The following DGAT2 variants were observed in gnomAD, a reference collection of about 807,000 sequenced individuals.
DGAT2 encodes the protein acyl-CoA retinol O-fatty-acyltransferase.
Under a neutral mutation model 48.4 loss-of-function variants are expected in DGAT2, and 33 were observed. The ratio of observed to expected loss-of-function variants is 0.68; its 90% CI spans 0.52 to 0.91. The LOEUF is 0.91. DGAT2 is among the 40% of genes least tolerant of loss of function. The pLI is 0.00. For synonymous variants in DGAT2, 191 were observed against 194.1 expected (o/e 0.98, Z 0.13); for missense variants, 446 against 493.7 (o/e 0.90, Z 0.92).
chr11:75,771,809 G>A (rs1442533328), intron 1 of DGAT2, among the ~76,000 whole-genome samples: 1 of 152,146 alleles, frequency 6.6e-6, no homozygotes, highest in Non-Finnish European at 1.5e-5. Flanking sequence ...GCTGAGAAAG[G>A]AGGGCCAAGA....
intron 2 of DGAT2, among the ~76,000 whole-genome samples, chr11:75,789,528 A>AG (rs924468176): frequency 7.9e-5 from 12 of 152,246 alleles, no homozygotes; most frequent in African/African-American, 2.9e-4. Context: ...TTATGTTGGA[A>AG]GGGAGCCAGC....
At chr11:75,791,031 A>G (rs1259847802) in intron 4 of DGAT2, among the ~76,000 whole-genome samples, 1 of 152,254 alleles carries the variant, frequency 6.6e-6, no homozygotes, top group East Asian at 1.9e-4. Flanking sequence ...GCCCTGATGC[A>G]TGTGGGCAAT....
rs1470095455 is a variant in DGAT2, at chr11:75,801,531, C to T, written c.*1023C>T. The stretch of plus-strand genomic sequence containing the variant: ...CTTGAAAATAAATGAAAGTGAGAAT[C>T]CTCTATGAGTTATTGCTGGGGCTGC... On this transcript the variant is annotated 3_prime_UTR_variant, in exon 8 of 8. Transcript: ENST00000228027. 2.6e-5 allele frequency: 4 copies of T among 152,726 alleles called. No homozygotes were observed. The highest frequency in any genetic ancestry group is 2.6e-4 in the Admixed American group (4 of 15,300). 9.5% of individuals were successfully genotyped at this position (152,726 alleles called of 1,614,324 possible). A position where few individuals can be genotyped will look rare whatever the true frequency, so the allele number is the denominator to read the frequency against.
At chr11:75,789,697 T>C (rs917545035) in intron 2 of DGAT2, among the ~76,000 whole-genome samples, 1 of 152,160 alleles carries the variant, frequency 6.6e-6, no homozygotes, top group East Asian at 1.9e-4. Flanking sequence ...GGGCAAGTTA[T>C]CTCCCCCTTG....
intron 2 of DGAT2, among the ~76,000 whole-genome samples, chr11:75,788,132 T>C (rs1233871350): frequency 6.6e-6 from 1 of 152,136 alleles, no homozygotes; most frequent in African/African-American, 2.4e-5. Flanking sequence ...GCTCAGACCA[T>C]AGCCTAAACC....
chr11:75,796,671 A>G (rs1945058779), intron 5 of DGAT2, 139 bp downstream of exon 5: 8 of 845,700 alleles, frequency 9.5e-6, no homozygotes, highest in South Asian at 3.5e-5. Context: ...TGCTTCAGAC[A>G]TGGTGGGTCA....
chr11:75,790,791 G>C, intron 4 of DGAT2, 60 bp downstream of exon 4: 2 of 1,580,528 alleles, frequency 1.3e-6, no homozygotes, highest in Non-Finnish European at 1.7e-6. Flanking sequence ...CTGAACTCAG[G>C]CCTTAACCCA....
At chr11:75,789,970 T>TC (rs1183120912) in intron 2 of DGAT2, among the ~76,000 whole-genome samples, 2 of 152,194 alleles carry the variant, frequency 1.3e-5, no homozygotes, top group East Asian at 3.9e-4. Context: ...GCCAGGACAG[T>TC]CCATCAGAGT....
chr11:75,771,198 G>A (rs1488561188), intron 1 of DGAT2, among the ~76,000 whole-genome samples: 1 of 152,204 alleles, frequency 6.6e-6, no homozygotes, highest in Non-Finnish European at 1.5e-5. Flanking sequence ...AGTATGGGTA[G>A]GTGGGTGCAT....
intron 1 of DGAT2, among the ~76,000 whole-genome samples, chr11:75,771,389 G>C (rs1396840177): frequency 6.6e-6 from 1 of 152,130 alleles, no homozygotes; most frequent in Non-Finnish European, 1.5e-5. Context: ...TGTGTCCTCA[G>C]GGTTCAGCAC....
At chr11:75,785,945 A>C (rs921469657) in intron 2 of DGAT2, among the ~76,000 whole-genome samples, 4 of 152,260 alleles carry the variant, frequency 2.6e-5, no homozygotes, top group Non-Finnish European at 5.9e-5. Flanking sequence ...TGCATTCCCC[A>C]GGGAGCCCAC....
In DGAT2 at chr11:75,796,271, T is replaced by C. The variant is rs1048080023; in HGVS notation, c.430-57T>C. On this transcript the variant is annotated intron_variant, in intron 4 of 7. Transcript: ENST00000228027. ...ATCCAATCCCTCCCTACCCTCCGGG[T>C]ATGCCCCGGTATCCCTCTCCCAGCC... The C allele has an allele frequency of 2.1e-5, 32 of 1,489,050 alleles. No homozygotes were observed. In the African/African-American group the frequency reaches 4.1e-4, roughly 19 times the overall value. The allele number at this position is 1,489,050 out of a possible 1,614,324, so 92.2% of individuals were successfully genotyped here.
In DGAT2 at chr11:75,796,532, G is replaced by A. The variant is rs777087960; in HGVS notation, c.634G>A (p.Gly212Ser). Residue 212 changes from glycine to serine, a missense_variant and splice_region_variant, in exon 5 of 8, where the codon GGT (glycine) becomes AGT (serine). Gly to Ser is a moderately conservative substitution (Grantham distance 56). Coordinates refer to ENST00000228027, the MANE Select transcript of DGAT2 (RefSeq NM_032564.5). Reference sequence around the variant, plus strand: ...GTTGAGGGAGTACCTGATGTCTGGAGGTAAGAATCCACCCCCTGTGCTCCT... The same window carrying A: ...GTTGAGGGAGTACCTGATGTCTGGAAGTAAGAATCCACCCCCTGTGCTCCT... ...PVLREYLMSG[G>S]ICPVSRDTID... The A allele has an allele frequency of 7.4e-6, 12 of 1,611,606 alleles. No individual in the cohort carries two copies. Among genetic ancestry groups the A allele is most frequent in the Non-Finnish European group, 8.5e-7 (1 of 1,179,444 alleles).
rs1049154227 is a variant in DGAT2, at chr11:75,798,101, C to A, written c.810-126C>A. Reference sequence around the variant, plus strand: ...AGAGGGATCATGTGAACTTGGGACACCCAGGTAATTCTGGTACACCCAGCT... The same window carrying A: ...AGAGGGATCATGTGAACTTGGGACAACCAGGTAATTCTGGTACACCCAGCT... On this transcript the variant is annotated intron_variant, in intron 6 of 7. Transcript: ENST00000228027. 8.5e-6 allele frequency: 8 copies of A among 940,862 alleles called. No homozygotes were observed. In the Admixed American group the frequency reaches 1.4e-4, roughly 16 times the overall value. The allele number at this position is 940,862 out of a possible 1,614,324, so 58.3% of individuals were successfully genotyped here. A position where few individuals can be genotyped will look rare whatever the true frequency, so the allele number is the denominator to read the frequency against.
chr11:75,797,099 C>CG, intron 5 of DGAT2, 59 bp from the exon 6 acceptor site: 1 of 1,417,434 alleles, frequency 7.1e-7, no homozygotes. Flanking sequence ...GACTGTGTGC[C>CG]GGGGATGGGG....
chr11:75,790,804 C>A, intron 4 of DGAT2, 73 bp downstream of exon 4: 1 of 1,527,670 alleles, frequency 6.5e-7, no homozygotes, highest in South Asian at 1.1e-5. Context: ...TTAACCCACC[C>A]ACAGGGAAGC....
At chr11:75,783,968 T>C (rs189732274) in intron 1 of DGAT2, among the ~76,000 whole-genome samples, 2 of 152,256 alleles carry the variant, frequency 1.3e-5, no homozygotes, top group East Asian at 3.9e-4. Flanking sequence ...GCTCCCACCT[T>C]ACTCCTTTCT....
rs199645715 is a variant in DGAT2, at chr11:75,769,078, A to C, written c.87A>C (p.Gly29=). The C allele has an allele frequency of 3.8e-6, 6 of 1,578,584 alleles. No individual in the cohort carries two copies. Among genetic ancestry groups the C allele is most frequent in the Admixed American group, 1.8e-5 (1 of 55,182 alleles). Residue 29 remains glycine, a synonymous_variant, in exon 1 of 8, where the codon GGA becomes GGC. Transcript: ENST00000228027. ...ACCGGAGCCAGCGCTCTCACGGAGG[A>C]CCTGCGCTGTCGCGCGAGGGGTCTG... ...EADRSQRSHG[G]PALSREGSGR...
At chr11:75,786,073 A>T (rs903277528) in intron 2 of DGAT2, among the ~76,000 whole-genome samples, 2 of 152,154 alleles carry the variant, frequency 1.3e-5, no homozygotes, top group Non-Finnish European at 2.9e-5. Flanking sequence ...ATGCAAGATT[A>T]TATATGAGTA....
Sources: allele counts gnomAD v4.1 joint callset (sites outside exome capture counted in the v4.1 genomes callset), GRCh38; gene constraint gnomAD v4.1.1; transcripts MANE v1.5; gene names NCBI Gene and HGNC (gene_info 2026-07-23, HGNC 2026-07-21).